The following CAMSAP2 variants were observed in gnomAD, a reference collection of about 807,000 sequenced individuals.
The protein encoded by CAMSAP2 is calmodulin-regulated spectrin-associated protein 2.
Under a neutral mutation model 146.1 loss-of-function variants are expected in CAMSAP2, and 26 were observed. The observed-to-expected ratio is 0.18, with a 90% CI of 0.13 to 0.25. CAMSAP2 has a LOEUF of 0.25. Among genes scored for constraint, CAMSAP2 ranks in the 10% least tolerant of loss-of-function variants. CAMSAP2 has a pLI of 1.00. For missense variants in CAMSAP2, 1,381 were observed against 1,759.3 expected (o/e 0.78, Z 3.85); for synonymous variants, 499 against 596.6 (o/e 0.84, Z 2.38).
intron 2 of CAMSAP2, among the ~76,000 whole-genome samples, chr1:200,780,271 G>T (rs963447043): frequency 1.3e-5 from 2 of 152,180 alleles, no homozygotes; most frequent in Non-Finnish European, 2.9e-5. Context: ...GATGTTTTAT[G>T]TGGGCAGTAC....
chr1:200,849,906 C>T lies in CAMSAP2; in HGVS notation c.3137C>T (p.Ser1046Phe). Residue 1046 changes from serine to phenylalanine, a missense_variant, in exon 11 of 17, where the codon TCC becomes TTC. By Grantham distance (155) the Ser-to-Phe change is radical. Transcript: ENST00000358823. This position sits in a 1 kb window ranked among gnomAD's most constrained non-coding sequence, Gnocchi z 6.3. ...GAAGTTAAAAAGGAGGAATTGGAAT[C>T]CAAAGGGACTTTGGAACAGCGTGGA... Reference protein sequence around the residue: ...KEEVKKEELESKGTLEQRGHN... With the variant: ...KEEVKKEELEFKGTLEQRGHN... 1 of 1,614,056 alleles carries T rather than the reference C, an allele frequency of 6.2e-7. No individual in the cohort carries two copies. Among genetic ancestry groups the T allele is most frequent in the African/African-American group, 1.3e-5 (1 of 75,006 alleles).
At position 200,780,083 on chromosome 1, in the gene CAMSAP2, TA is replaced by T. The variant is rs551350946; in HGVS notation, c.399+18986del. On this transcript the variant is annotated intron_variant, in intron 2 of 16. Coordinates refer to ENST00000358823, the MANE Select transcript of CAMSAP2 (RefSeq NM_203459.4). ...TGTCACTAAAAGAATATAAGAATAT[TA>T]TTCAAGAAAGCCTGAAAACGCAAGG... 3.4e-3 allele frequency among the ~76,000 whole-genome samples: 521 copies of T among 152,322 alleles called. 3 individuals carry two copies. The highest frequency in any genetic ancestry group is 5.2e-3 in the South Asian group (25 of 4,824).
chr1:200,817,370 C>T (rs768699101), intron 4 of CAMSAP2, among the ~76,000 whole-genome samples: 3 of 151,890 alleles, frequency 2.0e-5, no homozygotes, highest in Non-Finnish European at 4.4e-5. Context: ...AAATCTCAAA[C>T]AGACTTTTAG....
intron 6 of CAMSAP2, among the ~76,000 whole-genome samples, chr1:200,833,517 G>A (rs1010107505): frequency 2.0e-5 from 3 of 151,652 alleles, no homozygotes; most frequent in African/African-American, 7.3e-5. Context: ...CTGAGATCGC[G>A]CCACTGCACC....
chr1:200,815,639 C>A lies in CAMSAP2; in HGVS notation c.640C>A (p.Gln214Lys). ...TCACACAGTTGAAGCTCCAGGAGGT[C>A]AAAAGGTATTTATTTCAAAAACAAA... Reference protein sequence around the residue: ...EHHTVEAPGGQKARYRKEQTL... With the variant: ...EHHTVEAPGGKKARYRKEQTL... Residue 214 changes from glutamine (Q) to lysine (K), a missense_variant, in exon 4 of 17, where the codon CAA (glutamine) becomes AAA (lysine). Gln to Lys is a moderately conservative substitution (Grantham distance 53, BLOSUM62 1). This residue lies in a region of CAMSAP2 where 284 missense variants were observed against 406.9 expected (regional missense o/e 0.70). Transcript: ENST00000358823. 1.3e-6 allele frequency: 2 copies of A among 1,546,052 alleles called. No individual in the cohort carries two copies. The highest frequency in any genetic ancestry group is 1.3e-5 in the South Asian group (1 of 77,370).
At chr1:200,839,372 A>T (rs893846284) in intron 6 of CAMSAP2, among the ~76,000 whole-genome samples, 6 of 152,296 alleles carry the variant, frequency 3.9e-5, no homozygotes, top group African/African-American at 1.4e-4. Flanking sequence ...AAGAGGTAAA[A>T]AGATGGTGGG....
At chr1:200,795,471 G>C (rs57437285) in intron 2 of CAMSAP2, among the ~76,000 whole-genome samples, 425 of 152,140 alleles carry the variant, frequency 2.8e-3, no homozygotes, top group African/African-American at 9.4e-3. Flanking sequence ...TTACTATATT[G>C]GTTTGACTAC....
chr1:200,753,854 G>A (rs1424036270), intron 1 of CAMSAP2, among the ~76,000 whole-genome samples: 3 of 152,260 alleles, frequency 2.0e-5, no homozygotes, highest in South Asian at 2.1e-4. Flanking sequence ...CAGATGTGCC[G>A]TGTTGCCTCT....
intron 6 of CAMSAP2, among the ~76,000 whole-genome samples, chr1:200,835,108 T>C (rs1667152152): frequency 6.6e-6 from 1 of 152,160 alleles, no homozygotes; most frequent in South Asian, 2.1e-4. Flanking sequence ...GGAAGCAGAC[T>C]GGGGAAACGA....
intron 4 of CAMSAP2, among the ~76,000 whole-genome samples, chr1:200,822,681 A>G (rs1312566216): frequency 6.6e-6 from 1 of 152,216 alleles, no homozygotes; most frequent in Non-Finnish European, 1.5e-5. Context: ...CTCAGAGGAT[A>G]TGTTCCAAGA....
intron 2 of CAMSAP2, among the ~76,000 whole-genome samples, chr1:200,801,220 C>T (rs1304007534): frequency 3.3e-5 from 5 of 151,326 alleles, no homozygotes; most frequent in South Asian, 4.2e-4. Context: ...GCTGAGATCG[C>T]GCCACTGCAC....
chr1:200,849,165 C>T lies in CAMSAP2; in HGVS notation c.2396C>T (p.Ser799Phe). The T allele has an allele frequency of 1.2e-6, 2 of 1,614,030 alleles. No individual in the cohort carries two copies. Among genetic ancestry groups the T allele is most frequent in the Non-Finnish European group, 1.7e-6 (2 of 1,180,000 alleles). ...GTGAAAAAGAAAGGGGATGGGATAT[C>T]TCCTCTACGAGAGGAAGCGGCGGGT... ...TVVKKKGDGI[S>F]PLREEAAGAE... The change falls in exon 11 of 17, where the codon TCT (serine) becomes TTT (phenylalanine). Residue 799 changes from serine to phenylalanine, a missense_variant. By Grantham distance (155) the Ser-to-Phe change is radical. Around this residue, in one of 4 missense-constraint regions of CAMSAP2, gnomAD observed 560 missense variants for 715.9 expected, o/e 0.78. Coordinates refer to ENST00000358823, the MANE Select transcript of CAMSAP2 (RefSeq NM_203459.4). This position sits in a 1 kb window ranked among gnomAD's most constrained non-coding sequence, Gnocchi z 6.3.
intron 2 of CAMSAP2, among the ~76,000 whole-genome samples, chr1:200,786,005 A>G (rs1011369434): frequency 6.6e-6 from 1 of 152,108 alleles, no homozygotes; most frequent in Admixed American, 6.5e-5. Context: ...TGGTTATTTT[A>G]TATCTTTTAA....
chr1:200,768,794 C>T (rs1256645727), intron 2 of CAMSAP2, among the ~76,000 whole-genome samples: 2 of 152,126 alleles, frequency 1.3e-5, no homozygotes, highest in Non-Finnish European at 1.5e-5. Context: ...GCTGGGACTA[C>T]AGGCGTGTGC....
intron 6 of CAMSAP2, among the ~76,000 whole-genome samples, chr1:200,841,237 G>A (rs1667315280): frequency 6.6e-6 from 1 of 152,050 alleles, no homozygotes; most frequent in Non-Finnish European, 1.5e-5. Flanking sequence ...TAACATTACT[G>A]AGCACATACA....
chr1:200,847,182 A>G, intron 8 of CAMSAP2, 28 bp from the exon 9 acceptor site: 6 of 1,522,628 alleles, frequency 3.9e-6, no homozygotes, highest in Non-Finnish European at 5.4e-6. Flanking sequence ...GCTAAAATAT[A>G]ACATTTTAAA....
At chr1:200,850,454 T>C (rs1180727973) in intron 11 of CAMSAP2, among the ~76,000 whole-genome samples, 1 of 152,226 alleles carries the variant, frequency 6.6e-6, no homozygotes, top group Non-Finnish European at 1.5e-5. Flanking sequence ...GATGTATTCC[T>C]TGGTTTTGCT....
At chr1:200,744,099 G>A (rs1261728469) in intron 1 of CAMSAP2, among the ~76,000 whole-genome samples, 3 of 152,168 alleles carry the variant, frequency 2.0e-5, no homozygotes, top group African/African-American at 7.2e-5. Flanking sequence ...CAATTTTACT[G>A]ATGAGGAAAG....
At position 200,838,931 on chromosome 1, in the gene CAMSAP2, C is replaced by G. The variant is rs78660631; in HGVS notation, c.928-3063C>G. ...AGAAAGAAGGTGTCAAGGATGACTCCTAGGTTTCTGGTTTGCACACTGGGA... is the reference window on the plus strand; with the variant it reads ...AGAAAGAAGGTGTCAAGGATGACTCGTAGGTTTCTGGTTTGCACACTGGGA... On this transcript the variant is annotated intron_variant, in intron 6 of 16. Transcript: ENST00000358823. 2.8e-3 allele frequency among the ~76,000 whole-genome samples: 422 copies of G among 152,188 alleles called. 3 individuals carry two copies. The highest frequency in any genetic ancestry group is 9.7e-3 in the African/African-American group (403 of 41,516).
Sources: allele counts gnomAD v4.1 joint callset (sites outside exome capture counted in the v4.1 genomes callset), GRCh38; gene constraint gnomAD v4.1.1; regional missense constraint gnomAD v4.1.1; non-coding constraint Gnocchi (gnomAD v3.1); transcripts MANE v1.5; gene names NCBI Gene and HGNC (gene_info 2026-07-23, HGNC 2026-07-21).